TSNARE1: variants seen among roughly 807,000 people sequenced by gnomAD.
TSNARE1 encodes the protein t-SNARE domain containing 1, also known as t-SNARE domain-containing protein 1.
A neutral mutation model predicts 62.0 loss-of-function variants in TSNARE1; 49 were observed. That is an observed-to-expected ratio of 0.79 (90% confidence interval 0.63 to 1.00). The LOEUF is 1.00. Ranked by LOEUF, TSNARE1 falls within the 50% of genes least tolerant of loss-of-function variation. The pLI is 0.00. For synonymous variants in TSNARE1, 328 were observed against 294.4 expected (o/e 1.11, Z -1.17); for missense variants, 755 against 700.1 (o/e 1.08, Z -0.88).
At chr8:142,276,263 C>A (rs1820469588) in intron 11 of TSNARE1, 1 of 982,456 alleles carries the variant, frequency 1.0e-6, no homozygotes, top group African/African-American at 1.8e-5. Flanking sequence ...TTGCAGACAG[C>A]CCCCAACTGA....
At chr8:142,271,574 G>T in intron 12 of TSNARE1, 1 of 1,413,096 alleles carries the variant, frequency 7.1e-7, no homozygotes, top group Non-Finnish European at 9.2e-7. Context: ...GGAGGGTGAG[G>T]AGGTGGGTGC....
chr8:142,377,929 T>C (rs752975928), intron 1 of TSNARE1, among the ~76,000 whole-genome samples: 23 of 152,218 alleles, frequency 1.5e-4, no homozygotes, highest in Non-Finnish European at 2.2e-4. Flanking sequence ...GTGTCTTTAG[T>C]GATGTGGGTA....
chr8:142,354,675 G>A lies in TSNARE1; in HGVS notation c.50C>T (p.Pro17Leu), dbSNP rs550332092. 7.3e-4 allele frequency: 1,172 copies of A among 1,613,486 alleles called. 15 individuals carry two copies. The South Asian group carries it at 0.012, about 16-fold the overall frequency. ...GCCTTGTCTCGAAGGTCCCCCGAAAGGGCCACGGCTCCCCAGGCCACCTCC... is the reference window on the plus strand; with the variant it reads ...GCCTTGTCTCGAAGGTCCCCCGAAAAGGCCACGGCTCCCCAGGCCACCTCC... ...ARGGGLGSRG[P>L]FGGPSRQGCQ... The change falls in exon 2 of 14, where the codon CCT becomes CTT. Residue 17 changes from proline (P) to leucine (L), a missense_variant. Pro to Leu is a moderately conservative substitution (Grantham distance 98). Transcript: ENST00000524325.
intron 12 of TSNARE1, among the ~76,000 whole-genome samples, chr8:142,249,105 A>G (rs1215469604): frequency 1.3e-5 from 2 of 152,260 alleles, no homozygotes; most frequent in Non-Finnish European, 2.9e-5. Context: ...CGCACACAGC[A>G]GGCGCCCAAT....
In TSNARE1 at chr8:142,345,792, A is replaced by ACCTTCCCCGT. The variant is rs780134067; in HGVS notation, c.179_188dup (p.Asp64ArgfsTer4). On this transcript the variant is annotated frameshift_variant, in exon 3 of 14. Coordinates refer to ENST00000524325, the MANE Select transcript of TSNARE1 (RefSeq NM_145003.5). LOFTEE classifies it high-confidence loss of function. ...TAGGCGTGCCTGCTGGCCCCAGATC[A>ACCTTCCCCGT]CCTTCCCCGTCCTTCCCCACACAGC... is the stretch of plus-strand genomic sequence containing the variant. The ACCTTCCCCGT allele has an allele frequency of 3.1e-5, 50 of 1,613,374 alleles. No homozygotes were observed. The African/African-American group carries it at 5.7e-4, about 19-fold the overall frequency.
At chr8:142,259,842 G>A (rs1403191611) in intron 12 of TSNARE1, among the ~76,000 whole-genome samples, 1 of 152,198 alleles carries the variant, frequency 6.6e-6, no homozygotes. Flanking sequence ...GAGACTTGGT[G>A]GCACGCCTTC....
chr8:142,342,003 G>T (rs1389518162), intron 4 of TSNARE1, among the ~76,000 whole-genome samples: 1 of 152,182 alleles, frequency 6.6e-6, no homozygotes, highest in Non-Finnish European at 1.5e-5. Context: ...CTACAATAGG[G>T]GCTGACCCCA....
chr8:142,243,471 T>G (rs1192450743), intron 12 of TSNARE1, among the ~76,000 whole-genome samples: 1 of 152,002 alleles, frequency 6.6e-6, no homozygotes, highest in Non-Finnish European at 1.5e-5. Flanking sequence ...CTGGAAGACA[T>G]CATGCTTAAG....
intron 1 of TSNARE1, among the ~76,000 whole-genome samples, chr8:142,355,715 C>T (rs4520288): frequency 0.31 from 47,677 of 152,130 alleles, 9,762 homozygotes; most frequent in African/African-American, 0.58. Context: ...CTAAACACCT[C>T]AGGGCAAGGG....
At chr8:142,294,980 C>T (rs927024975) in intron 10 of TSNARE1, among the ~76,000 whole-genome samples, 15 of 152,192 alleles carry the variant, frequency 9.9e-5, no homozygotes, top group African/African-American at 3.4e-4. Flanking sequence ...ACCCAACACC[C>T]GGAGTCCTGG....
At chr8:142,345,643 C>T in intron 3 of TSNARE1, 100 bp downstream of exon 3, 3 of 1,384,096 alleles carry the variant, frequency 2.2e-6, no homozygotes, top group Non-Finnish European at 2.9e-6. Flanking sequence ...GTCCCAGCCT[C>T]CTCCCTGCAG....
chr8:142,348,100 A>G (rs2130531300), intron 2 of TSNARE1, among the ~76,000 whole-genome samples: 1 of 152,358 alleles, frequency 6.6e-6, no homozygotes, highest in Non-Finnish European at 1.5e-5. Flanking sequence ...AAAAATGTAA[A>G]TGCAGACAGT....
chr8:142,276,568 T>G (rs1393853377), intron 11 of TSNARE1: 1 of 985,312 alleles, frequency 1.0e-6, no homozygotes, highest in East Asian at 1.1e-4. Context: ...CATGGTGGTC[T>G]GGGCTAACAC....
In TSNARE1 at chr8:142,280,304, T is replaced by C. The variant is rs1821205430; in HGVS notation, c.1363+4109A>G. On this transcript the variant is annotated intron_variant, in intron 11 of 13. Transcript: ENST00000524325. Reference sequence around the variant, plus strand: ...TCGGGGCTGCAGCTCTGCTGGCAGATGGCTTTGCTGCTGCTGGACCCTGGA... The same window carrying C: ...TCGGGGCTGCAGCTCTGCTGGCAGACGGCTTTGCTGCTGCTGGACCCTGGA... 1.3e-5 allele frequency: 13 copies of C among 985,194 alleles called. No homozygotes were observed. The South Asian group carries it at 6.1e-4, about 46-fold the overall frequency. The allele number at this position is 985,194 out of a possible 1,614,324, so 61.0% of individuals were successfully genotyped here. A position where few individuals can be genotyped will look rare whatever the true frequency, so the allele number is the denominator to read the frequency against.
intron 13 of TSNARE1, among the ~76,000 whole-genome samples, chr8:142,216,015 G>C (rs1486943892): frequency 6.6e-6 from 1 of 152,204 alleles, no homozygotes; most frequent in African/African-American, 2.4e-5. Flanking sequence ...TCAGCAGATG[G>C]CATGTGGCAT....
At chr8:142,375,438 G>A (rs1164633974) in intron 1 of TSNARE1, among the ~76,000 whole-genome samples, 1 of 152,220 alleles carries the variant, frequency 6.6e-6, no homozygotes, top group Non-Finnish European at 1.5e-5. Flanking sequence ...AGCTGGGCTG[G>A]CAGAGGATGG....
chr8:142,256,832 A>T (rs1257126975), intron 12 of TSNARE1, among the ~76,000 whole-genome samples: 1 of 152,176 alleles, frequency 6.6e-6, no homozygotes, highest in East Asian at 1.9e-4. Context: ...TTAAGCAAAC[A>T]ATGGCAGCCA....
chr8:142,383,149 A>G lies in TSNARE1; in HGVS notation c.-40+19955T>C, dbSNP rs1015251371. Among the ~76,000 whole-genome samples the G allele has an allele frequency of 2.0e-5, 3 of 152,178 alleles. No homozygotes were observed. The South Asian group carries it at 6.2e-4, about 32-fold the overall frequency. Reference sequence around the variant, plus strand: ...GTGGTTTTCCTACAGGCAGCCTCAGAAACAGGGGTGGAGTCATAGGCCACA... The same window carrying G: ...GTGGTTTTCCTACAGGCAGCCTCAGGAACAGGGGTGGAGTCATAGGCCACA... On this transcript the variant is annotated intron_variant, in intron 1 of 13. Coordinates refer to ENST00000524325, the MANE Select transcript of TSNARE1 (RefSeq NM_145003.5).
intron 12 of TSNARE1, chr8:142,269,473 C>T (rs1586909392): frequency 4.1e-6 from 4 of 985,436 alleles, no homozygotes; most frequent in South Asian, 4.7e-5. Flanking sequence ...CACTGTCAGC[C>T]GTGCTGGGTA....
Sources: gnomAD v4.1 joint callset for allele counts (sites outside exome capture counted in the v4.1 genomes callset) on GRCh38, gnomAD v4.1.1 for gene constraint, MANE v1.5 for transcripts, NCBI Gene and HGNC (gene_info 2026-07-23, HGNC 2026-07-21) for gene names.